The following CDH13 variants were observed in gnomAD, a reference collection of about 807,000 sequenced individuals.
CDH13 encodes the protein cadherin 13.
A neutral mutation model predicts 63.8 loss-of-function variants in CDH13; 24 were observed. The observed-to-expected ratio is 0.38, with a 90% CI of 0.27 to 0.53. The LOEUF (loss-of-function observed/expected upper bound fraction) is 0.53. Ranked by LOEUF, CDH13 falls within the 20% of genes least tolerant of loss-of-function variation. CDH13 has a pLI of 0.85. For synonymous variants in CDH13, 503 were observed against 355.3 expected (o/e 1.42, Z -4.67); for missense variants, 1,049 against 903.1 (o/e 1.16, Z -2.07).
intron 3 of CDH13, among the ~76,000 whole-genome samples, chr16:83,104,102 A>G: frequency 6.6e-6 from 1 of 152,206 alleles, no homozygotes; most frequent in East Asian, 1.9e-4. Flanking sequence ...AATGAGTATT[A>G]CACGACCATT....
intron 8 of CDH13, among the ~76,000 whole-genome samples, chr16:83,649,126 C>G (rs1912121362): frequency 6.6e-6 from 1 of 152,226 alleles, no homozygotes; most frequent in African/African-American, 2.4e-5. Flanking sequence ...GCCCCCCATT[C>G]CCCTCAGGTG....
At chr16:83,358,247 A>G (rs1299208323) in intron 6 of CDH13, among the ~76,000 whole-genome samples, 2 of 152,078 alleles carry the variant, frequency 1.3e-5, no homozygotes, top group African/African-American at 4.8e-5. Flanking sequence ...GACTTCTAGG[A>G]TGGATTCTGA....
At chr16:82,858,702 C>A in intron 2 of CDH13, 1 of 599,184 alleles carries the variant, frequency 1.7e-6, no homozygotes, top group Non-Finnish European at 3.0e-6. Flanking sequence ...CAGTGGGTAT[C>A]TCCATACTGC....
chr16:83,427,119 G>T (rs1228958455), intron 6 of CDH13, among the ~76,000 whole-genome samples: 2 of 151,350 alleles, frequency 1.3e-5, no homozygotes, highest in African/African-American at 2.4e-5. Context: ...GTAGAGACGG[G>T]GTTTCACCGT....
chr16:83,549,233 G>A (rs1044067064), intron 7 of CDH13, among the ~76,000 whole-genome samples: 1 of 152,182 alleles, frequency 6.6e-6, no homozygotes, highest in African/African-American at 2.4e-5. Context: ...GCCCACGGGA[G>A]CACCTGTGAG....
intron 2 of CDH13, among the ~76,000 whole-genome samples, chr16:82,901,226 T>C (rs2041455368): frequency 6.6e-6 from 1 of 152,136 alleles, no homozygotes; most frequent in South Asian, 2.1e-4. Context: ...CAGCTTATTT[T>C]CTAGCAATAT....
chr16:83,313,512 A>G (rs1478330743), intron 5 of CDH13, among the ~76,000 whole-genome samples: 1 of 152,186 alleles, frequency 6.6e-6, no homozygotes, highest in Non-Finnish European at 1.5e-5. Context: ...AGATTCAGCC[A>G]AATAGAGTGT....
At chr16:82,972,242 C>G (rs1240543153) in intron 2 of CDH13, among the ~76,000 whole-genome samples, 20 of 142,770 alleles carry the variant, frequency 1.4e-4, no homozygotes, top group Admixed American at 1.3e-3. Context: ...TGACAGAAAT[C>G]TACTATAGAG....
chr16:83,010,693 C>G (rs946457071), intron 2 of CDH13, among the ~76,000 whole-genome samples: 3 of 152,116 alleles, frequency 2.0e-5, no homozygotes, highest in African/African-American at 7.2e-5. Context: ...GGTTGTTACC[C>G]AGAGCCCTAC....
intron 1 of CDH13, among the ~76,000 whole-genome samples, chr16:82,814,524 C>G (rs937481459): frequency 6.6e-6 from 1 of 152,108 alleles, no homozygotes; most frequent in African/African-American, 2.4e-5. Flanking sequence ...AAAGGGCTTC[C>G]AGGTTGCTGA....
intron 4 of CDH13, among the ~76,000 whole-genome samples, chr16:83,141,206 TAG>T (rs2036516042): frequency 1.3e-5 from 2 of 152,208 alleles, no homozygotes; most frequent in Non-Finnish European, 2.9e-5. Context: ...CCTCACTTGA[TAG>T]ATAAGACACA....
intron 2 of CDH13, among the ~76,000 whole-genome samples, chr16:82,993,528 C>A (rs1198163943): frequency 6.6e-6 from 1 of 152,092 alleles, no homozygotes; most frequent in Non-Finnish European, 1.5e-5. Flanking sequence ...AATTCATCAT[C>A]ATTGTGAAGT....
At chr16:83,183,179 T>C (rs754959230) in intron 4 of CDH13, among the ~76,000 whole-genome samples, 1 of 152,194 alleles carries the variant, frequency 6.6e-6, no homozygotes, top group Admixed American at 6.5e-5. Flanking sequence ...AAAAGGGATA[T>C]AGCAAAAATT....
intron 2 of CDH13, among the ~76,000 whole-genome samples, chr16:82,957,998 A>G (rs1906382082): frequency 1.3e-5 from 2 of 152,178 alleles, no homozygotes; most frequent in Non-Finnish European, 2.9e-5. Context: ...TACTTGGTCT[A>G]AGGTATCCAC....
intron 10 of CDH13, among the ~76,000 whole-genome samples, chr16:83,724,810 G>A (rs1009262554): frequency 6.6e-6 from 1 of 152,188 alleles, no homozygotes; most frequent in East Asian, 1.9e-4. Flanking sequence ...GGTGAGCAGG[G>A]GCTATATTGT....
chr16:83,216,419 T>TAG (rs1567513922), intron 4 of CDH13, among the ~76,000 whole-genome samples: 2 of 95,320 alleles, frequency 2.1e-5, no homozygotes, highest in East Asian at 7.0e-4. Flanking sequence ...TATATATATA[T>TAG]ATATATATAT....
chr16:83,089,192 A>C (rs1267216124), intron 3 of CDH13, among the ~76,000 whole-genome samples: 1 of 152,246 alleles, frequency 6.6e-6, no homozygotes, highest in Non-Finnish European at 1.5e-5. Flanking sequence ...GTAGAGGATC[A>C]GGCTCACAGG....
At chr16:82,942,461 A>C (rs183858071) in intron 2 of CDH13, among the ~76,000 whole-genome samples, 1 of 152,340 alleles carries the variant, frequency 6.6e-6, no homozygotes, top group East Asian at 1.9e-4. Context: ...TGGTAATAGA[A>C]ATACAGACTA....
chr16:83,470,878 G>A (rs1384466295), intron 6 of CDH13, among the ~76,000 whole-genome samples: 10 of 152,128 alleles, frequency 6.6e-5, no homozygotes, highest in Admixed American at 6.5e-4. Context: ...TCCAAAATCG[G>A]TCTCATTGGG....
Sources: allele counts gnomAD v4.1 joint callset (sites outside exome capture counted in the v4.1 genomes callset), GRCh38; gene constraint gnomAD v4.1.1; transcripts MANE v1.5; gene names NCBI Gene and HGNC (gene_info 2026-07-23, HGNC 2026-07-21).